Variants in MAT1A observed in about 807,000 individuals in gnomAD.
MAT1A encodes S-adenosylmethionine synthase isoform type-1.
In MAT1A, 19 loss-of-function variants were observed where a neutral mutation model predicts 44.0. The ratio of observed to expected loss-of-function variants is 0.43; its 90% CI spans 0.30 to 0.63. The LOEUF (loss-of-function observed/expected upper bound fraction) is 0.63. Among genes scored for constraint, MAT1A ranks in the 30% least tolerant of loss-of-function variants. MAT1A has a pLI of 0.12. For missense variants in MAT1A, 397 were observed against 531.0 expected, an observed-to-expected ratio of 0.75 and a Z score of 2.48; for synonymous variants, 205 against 205.6, an observed-to-expected ratio of 1.00 and a Z score of 0.03.
chr10:80,280,101 T>C, intron 5 of MAT1A, 72 bp downstream of exon 5: 1 of 1,540,234 alleles, frequency 6.5e-7, no homozygotes. Flanking sequence ...AATGACACAA[T>C]CAAGAATCAA....
chr10:80,274,432 C>T lies in MAT1A; in HGVS notation c.1085+88G>A, dbSNP rs1841453293. 4 of 1,562,036 alleles carry T rather than the reference C, an allele frequency of 2.6e-6. 1 individual carries two copies. The South Asian group carries it at 4.5e-5, about 17-fold the overall frequency. On this transcript the variant is annotated intron_variant, in intron 8 of 8. Transcript: ENST00000372213. ...TCCCACTTCTGAGAGGCAGAAACAT[C>T]CTCCTTTCTGCCTCCCTTTCAGGTG...
chr10:80,280,814 C>T, intron 3 of MAT1A, 22 bp from the exon 4 acceptor site: 1 of 1,575,062 alleles, frequency 6.3e-7, no homozygotes, highest in East Asian at 2.2e-5. Flanking sequence ...CAAAGTGAGC[C>T]TAAGTGGGGA....
chr10:80,282,319 C>T (rs764936217), intron 3 of MAT1A, among the ~76,000 whole-genome samples: 8 of 152,162 alleles, frequency 5.3e-5, no homozygotes, highest in Non-Finnish European at 7.3e-5. Flanking sequence ...CAACGAGGAG[C>T]CACTGGCCTG....
chr10:80,274,390 C>A, intron 8 of MAT1A, 130 bp downstream of exon 8: 1 of 1,322,900 alleles, frequency 7.6e-7, no homozygotes, highest in Non-Finnish European at 1.1e-6. Flanking sequence ...TGTGCTGTAC[C>A]AAGAGCTCAC....
chr10:80,274,973 G>T (rs55855057), intron 7 of MAT1A, 44 bp downstream of exon 7: 1 of 1,544,782 alleles, frequency 6.5e-7, no homozygotes. Context: ...ACTGGGCAGG[G>T]GTCCTCCACT....
At chr10:80,275,313 G>A in intron 6 of MAT1A, 114 bp from the exon 7 acceptor site, 2 of 950,220 alleles carry the variant, frequency 2.1e-6, no homozygotes, top group Non-Finnish European at 3.3e-6. Flanking sequence ...TCCTGGGGCT[G>A]CCCACAGACA....
intron 5 of MAT1A, among the ~76,000 whole-genome samples, chr10:80,279,819 C>T (rs537318952): frequency 6.6e-6 from 1 of 152,052 alleles, no homozygotes; most frequent in East Asian, 1.9e-4. Context: ...ACAGCACAGA[C>T]ACAGCACAGA....
rs200157444 is a variant in MAT1A, at chr10:80,274,569, G to T, written c.1036C>A (p.Leu346Met). Residue 346 changes from leucine to methionine, a missense_variant, in exon 8 of 9, where the codon CTG becomes ATG. Leu to Met is a conservative substitution (Grantham distance 15). Transcript: ENST00000372213. Reference sequence around the variant, plus strand: ...TCGAAGTTCTTATGCACCACATCCAGCAGCTCTCGCTCTGTCTTCTGAGAG... The same window carrying T: ...TCGAAGTTCTTATGCACCACATCCATCAGCTCTCGCTCTGTCTTCTGAGAG... ...GTSQKTEREL[L>M]DVVHKNFDLR... 26 of 1,614,084 alleles carry T rather than the reference G, an allele frequency of 1.6e-5. No individual in the cohort carries two copies. The highest frequency in any genetic ancestry group is 1.7e-5 in the Non-Finnish European group (20 of 1,180,030).
At position 80,274,003 on chromosome 10, in the gene MAT1A, C is replaced by T. The variant is rs188020843; in HGVS notation, c.1086-120G>A. 9.0e-5 allele frequency: 69 copies of T among 768,824 alleles called. 1 individual carries two copies. The highest frequency in any genetic ancestry group is 5.9e-4 in the Admixed American group (32 of 54,356). The allele number at this position is 768,824 out of a possible 1,614,324, so 47.6% of individuals were successfully genotyped here. A position where few individuals can be genotyped will look rare whatever the true frequency, so the allele number is the denominator to read the frequency against. ...ACACAGCCCTCCTCGCATGGCACTA[C>T]GCCTCCCCACCGCAGTTGCGCGCAC... On this transcript the variant is annotated intron_variant, in intron 8 of 8. Coordinates refer to ENST00000372213, the MANE Select transcript of MAT1A (RefSeq NM_000429.3).
At chr10:80,274,956 G>T (rs1169480561) in intron 7 of MAT1A, 61 bp downstream of exon 7, 14 of 1,530,090 alleles carry the variant, frequency 9.1e-6, no homozygotes, top group Non-Finnish European at 1.2e-5. Context: ...CCCTCACTCA[G>T]GGCAGAACTG....
intron 3 of MAT1A, among the ~76,000 whole-genome samples, chr10:80,283,617 C>T (rs914744456): frequency 3.5e-4 from 54 of 152,376 alleles, no homozygotes; most frequent in African/African-American, 1.2e-3. Context: ...GAGGGCAGCC[C>T]CCTTTATTCA....
intron 1 of MAT1A, among the ~76,000 whole-genome samples, chr10:80,288,355 C>A (rs1017917313): frequency 3.3e-5 from 5 of 152,184 alleles, no homozygotes; most frequent in African/African-American, 1.2e-4. Context: ...CCAAGACCTA[C>A]TGAATCAGAA....
intron 8 of MAT1A, 63 bp from the exon 9 acceptor site, chr10:80,273,946 A>G (rs1841445163): frequency 8.3e-7 from 1 of 1,209,402 alleles, no homozygotes; most frequent in South Asian, 1.2e-5. Flanking sequence ...TTCTTTCTCC[A>G]TTTCAAGGAC....
chr10:80,285,973 G>A (rs1589484036), intron 1 of MAT1A, among the ~76,000 whole-genome samples: 2 of 151,824 alleles, frequency 1.3e-5, no homozygotes, highest in African/African-American at 4.8e-5. Flanking sequence ...TTACAGGCTT[G>A]TGCTACCACG....
chr10:80,286,124 C>T (rs1048744019), intron 1 of MAT1A, among the ~76,000 whole-genome samples: 1 of 152,050 alleles, frequency 6.6e-6, no homozygotes, highest in African/African-American at 2.4e-5. Flanking sequence ...CCACTGCGCC[C>T]GGTCAAAATC....
intron 6 of MAT1A, 75 bp from the exon 7 acceptor site, chr10:80,275,274 G>C: frequency 7.5e-7 from 1 of 1,339,414 alleles, no homozygotes; most frequent in Non-Finnish European, 1.0e-6. Context: ...GTACTGTGAT[G>C]GCAGCTGAAC....
intron 3 of MAT1A, among the ~76,000 whole-genome samples, chr10:80,282,945 C>A (rs1180442527): frequency 3.9e-5 from 6 of 152,184 alleles, no homozygotes; most frequent in Non-Finnish European, 1.5e-5. Context: ...AGGTGTATAG[C>A]TAGGCAGGAT....
rs200894913 is a variant in MAT1A at position 80,276,488 on chromosome 10, C to T, written c.656G>A (p.Arg219His). 2.4e-5 allele frequency: 38 copies of T among 1,614,022 alleles called. No individual in the cohort carries two copies. Among genetic ancestry groups the T allele is most frequent in the East Asian group, 4.5e-5 (2 of 44,894 alleles). ...HNEDITLEEM[R>H]RALKEQVIRA... ...GATGACTTGCTCCTTCAGGGCCCTGCGCATCTCCTCCAGCGTGATGTCTTC... is the reference window on the plus strand; with the variant it reads ...GATGACTTGCTCCTTCAGGGCCCTGTGCATCTCCTCCAGCGTGATGTCTTC... The change falls in exon 6 of 9, where the codon CGC becomes CAC. Residue 219 changes from arginine (R) to histidine (H), a missense_variant. Physicochemically the swap from Arg to His is conservative, Grantham distance 29 (BLOSUM62 0). Transcript: ENST00000372213.
Position 80,275,417 on chromosome 10 carries a change from T to C in MAT1A, c.769-218A>G, listed in dbSNP as rs17102596. On this transcript the variant is annotated intron_variant, in intron 6 of 8. Coordinates refer to ENST00000372213, the MANE Select transcript of MAT1A (RefSeq NM_000429.3). ...AAACAGGTAACCTGCCAAAGCTTCATTAGCAAGTGCAGAAGGTGGGCCAGG... is the reference window on the plus strand; with the variant it reads ...AAACAGGTAACCTGCCAAAGCTTCACTAGCAAGTGCAGAAGGTGGGCCAGG... 0.19 allele frequency: 117,495 copies of C among 604,232 alleles called. 12,953 individuals are homozygous for C. Among genetic ancestry groups the C allele is most frequent in the African/African-American group, 0.28 (15,397 of 54,234 alleles). 37.4% of individuals were successfully genotyped at this position (604,232 alleles called of 1,614,324 possible).
Sources: allele counts gnomAD v4.1 joint callset (sites outside exome capture counted in the v4.1 genomes callset), GRCh38; gene constraint gnomAD v4.1.1; transcripts MANE v1.5; gene names NCBI Gene and HGNC (gene_info 2026-07-23, HGNC 2026-07-21).